MREG: variants seen among roughly 807,000 people sequenced by gnomAD.
The protein encoded by MREG is dilute suppressor protein homolog.
Under a neutral mutation model 28.5 loss-of-function variants are expected in MREG, and 31 were observed. The ratio of observed to expected loss-of-function variants is 1.09; its 90% CI spans 0.82 to 1.47. The LOEUF (loss-of-function observed/expected upper bound fraction) is 1.47, where lower values mean the gene tolerates loss of function less well. Among genes scored for constraint, MREG ranks in the 40% most tolerant of loss-of-function variants. The pLI is 0.00. For synonymous variants in MREG, 106 were observed against 95.2 expected, an observed-to-expected ratio of 1.11 and a Z score of -0.66; for missense variants, 256 against 257.4, an observed-to-expected ratio of 0.99 and a Z score of 0.04.
At chr2:215,950,789 T>C (rs911113385) in intron 2 of MREG, among the ~76,000 whole-genome samples, 4 of 152,152 alleles carry the variant, frequency 2.6e-5, no homozygotes, top group African/African-American at 9.7e-5. Flanking sequence ...TCCAAAGAAT[T>C]GGATCTTGAT....
intron 2 of MREG, among the ~76,000 whole-genome samples, chr2:215,971,719 C>T (rs1347046013): frequency 6.6e-6 from 1 of 152,170 alleles, no homozygotes; most frequent in African/African-American, 2.4e-5. Context: ...TGCTTCCTTT[C>T]CTGTGTGTGT....
rs62183184 is a variant in MREG, at chr2:215,945,745, A to G, written c.347-11T>C. 1.2e-6 allele frequency: 2 copies of G among 1,609,430 alleles called. No homozygotes were observed. Among genetic ancestry groups the G allele is most frequent in the Non-Finnish European group, 1.7e-6 (2 of 1,177,438 alleles). On this transcript the variant is annotated splice_polypyrimidine_tract_variant and intron_variant, in intron 3 of 4. Coordinates refer to ENST00000263268, the MANE Select transcript of MREG (RefSeq NM_018000.3). Reference sequence around the variant, plus strand: ...CTTCCTTTTGAAAACCTAAGGTAGAAAAATGGACCACTCATGTAAAGTAGT... The same window carrying G: ...CTTCCTTTTGAAAACCTAAGGTAGAGAAATGGACCACTCATGTAAAGTAGT...
chr2:215,954,998 T>G (rs954089615), intron 2 of MREG, among the ~76,000 whole-genome samples: 1 of 152,218 alleles, frequency 6.6e-6, no homozygotes, highest in African/African-American at 2.4e-5. Flanking sequence ...CCACCTCACC[T>G]GGCCACATTC....
Position 216,013,286 on chromosome 2 carries a change from GCA to G in MREG, c.40_41del (p.Cys14ArgfsTer12). On this transcript the variant is annotated frameshift_variant, in exon 1 of 5. Coordinates refer to ENST00000263268, the MANE Select transcript of MREG (RefSeq NM_018000.3). LOFTEE classifies it high-confidence loss of function. ...RDWLRTVCCC[C>X]GCECLEERAL... Reference sequence around the variant, plus strand: ...CGCGCTCCTCCAAGCACTCGCACCCGCAGCAGCAGCACACGGTTCTCAGCCAG... The same window carrying G: ...CGCGCTCCTCCAAGCACTCGCACCCGGCAGCAGCACACGGTTCTCAGCCAG... 6.5e-7 allele frequency: 1 copy of G among 1,545,768 alleles called. No individual in the cohort carries two copies.
chr2:215,967,149 T>C (rs1692964355), intron 2 of MREG, among the ~76,000 whole-genome samples: 1 of 152,244 alleles, frequency 6.6e-6, no homozygotes, highest in Admixed American at 6.5e-5. Context: ...GACATATGAA[T>C]GACTCCTCAC....
chr2:215,971,778 C>A (rs950915040), intron 2 of MREG, among the ~76,000 whole-genome samples: 1 of 152,142 alleles, frequency 6.6e-6, no homozygotes, highest in African/African-American at 2.4e-5. Flanking sequence ...GAGTCCAAAG[C>A]AGCAGAGACA....
At chr2:215,996,257 T>G in intron 2 of MREG, 49 bp downstream of exon 2, 1 of 1,531,648 alleles carries the variant, frequency 6.5e-7, no homozygotes, top group Non-Finnish European at 8.8e-7. Flanking sequence ...TTACTATTTT[T>G]TACTATATAG....
chr2:215,940,848 T>C (rs755102717), downstream of MREG, among the ~76,000 whole-genome samples: 2 of 152,150 alleles, frequency 1.3e-5, no homozygotes, highest in African/African-American at 4.8e-5. Flanking sequence ...GTGTTGTGTG[T>C]GTGCGCGCGT....
intron 1 of MREG, among the ~76,000 whole-genome samples, chr2:215,999,951 C>T (rs3770556): frequency 5.3e-5 from 8 of 152,044 alleles, no homozygotes; most frequent in Non-Finnish European, 1.2e-4. Context: ...AATGGTCTTA[C>T]GGGATTTGGA....
chr2:215,968,292 C>T (rs1692998407), intron 2 of MREG, among the ~76,000 whole-genome samples: 1 of 152,138 alleles, frequency 6.6e-6, no homozygotes, highest in Non-Finnish European at 1.5e-5. Flanking sequence ...TTTTACTTTT[C>T]ACCACTCATT....
chr2:216,015,783 A>G (rs1437561461), upstream of MREG, among the ~76,000 whole-genome samples: 2 of 152,118 alleles, frequency 1.3e-5, no homozygotes, highest in African/African-American at 4.8e-5. Context: ...ATGCTGAAGG[A>G]TTGTAAATAG....
At position 215,974,530 on chromosome 2, in the gene MREG, A is replaced by AT. The variant is rs1324636080; in HGVS notation, c.255+21775dup. ...CCTGGGCTCCATGCAATTAAGAGCC[A>AT]TTTTTACTGTAAGAGGAGCCAGACC... On this transcript the variant is annotated intron_variant, in intron 2 of 4. Coordinates refer to ENST00000263268, the MANE Select transcript of MREG (RefSeq NM_018000.3). Among the ~76,000 whole-genome samples the AT allele has an allele frequency of 5.3e-5, 8 of 152,224 alleles. No homozygotes were observed. In the East Asian group the frequency reaches 1.5e-3, roughly 29 times the overall value.
intron 1 of MREG, among the ~76,000 whole-genome samples, chr2:216,030,654 T>TTA (rs1309434865): frequency 6.6e-6 from 1 of 151,852 alleles, no homozygotes; most frequent in African/African-American, 2.4e-5. Flanking sequence ...GCGATTCTTG[T>TTA]GCCTCAGCCT....
At chr2:215,999,506 A>G (rs1693955226) in intron 1 of MREG, among the ~76,000 whole-genome samples, 1 of 152,230 alleles carries the variant, frequency 6.6e-6, no homozygotes, top group South Asian at 2.1e-4. Flanking sequence ...TGAACCAACC[A>G]CAACCAGAGC....
At chr2:216,011,211 C>T (rs1349730179) in intron 1 of MREG, among the ~76,000 whole-genome samples, 1 of 151,812 alleles carries the variant, frequency 6.6e-6, no homozygotes, top group Non-Finnish European at 1.5e-5. Flanking sequence ...GTTTTCAGAA[C>T]CAATCTTCAG....
intron 1 of MREG, among the ~76,000 whole-genome samples, 153 bp from the exon 2 acceptor site, chr2:215,996,618 C>T (rs932727700): frequency 1.3e-5 from 2 of 152,030 alleles, no homozygotes; most frequent in African/African-American, 2.4e-5. Flanking sequence ...AATAATTAAG[C>T]ATAACACAAC....
chr2:215,950,993 CTCTCTCTCTCTCTCTGTCTCTT>C (rs898614177), intron 2 of MREG, among the ~76,000 whole-genome samples: 19 of 150,028 alleles, frequency 1.3e-4, no homozygotes, highest in Non-Finnish European at 2.4e-4. Flanking sequence ...CTTCCCCCTT[CTCTCTCTCTCTCTCTGTCTCTT>C]TCTCTCTCTC....
intron 1 of MREG, among the ~76,000 whole-genome samples, chr2:216,002,658 C>A (rs1400079635): frequency 6.6e-6 from 1 of 152,094 alleles, no homozygotes; most frequent in Admixed American, 6.5e-5. Flanking sequence ...GGCCTGCTAC[C>A]CCCCTGGCTT....
chr2:216,027,435 T>A (rs1694612682), intron 1 of MREG, among the ~76,000 whole-genome samples: 2 of 152,222 alleles, frequency 1.3e-5, no homozygotes, highest in South Asian at 4.1e-4. Flanking sequence ...CTCACCCCTA[T>A]AATCCCAGCA....
Sources: gnomAD v4.1 joint callset for allele counts (sites outside exome capture counted in the v4.1 genomes callset) on GRCh38, gnomAD v4.1.1 for gene constraint, MANE v1.5 for transcripts, NCBI Gene and HGNC (gene_info 2026-07-23, HGNC 2026-07-21) for gene names.